SLC6A11: variants seen among roughly 807,000 people sequenced by gnomAD.
The protein encoded by SLC6A11 is solute carrier family 6 member 11.
Under a neutral mutation model 74.8 loss-of-function variants are expected in SLC6A11, and 25 were observed. The observed-to-expected ratio is 0.33, with a 90% CI of 0.24 to 0.47. The LOEUF is 0.47. SLC6A11 is among the 20% of genes least tolerant of loss of function. SLC6A11 has a pLI of 1.00. For missense variants in SLC6A11, 574 were observed against 837.0 expected, an observed-to-expected ratio of 0.69 and a Z score of 3.88; for synonymous variants, 330 against 330.2, an observed-to-expected ratio of 1.00 and a Z score of 0.01.
In SLC6A11 at chr3:10,872,645, G is replaced by A. The variant is rs529914198; in HGVS notation, c.757-2316G>A. ...ATTCAGTCTTATTTTTACCTTCCAG[G>A]ACCTAGCTCAGTTCTTAGTACATGA... On this transcript the variant is annotated intron_variant, in intron 5 of 13. Transcript: ENST00000254488. Among the ~76,000 whole-genome samples the A allele has an allele frequency of 3.3e-5, 5 of 152,272 alleles. No homozygotes were observed. The East Asian group carries it at 7.7e-4, about 24-fold the overall frequency.
At chr3:10,938,113 G>A (rs1695779482) in intron 13 of SLC6A11, 137 bp from the exon 14 acceptor site, 2 of 725,126 alleles carry the variant, frequency 2.8e-6, no homozygotes, top group Non-Finnish European at 4.3e-6. Context: ...GCTGTAAGGG[G>A]CCAAGCTGGG....
At position 10,935,146 on chromosome 3, in the gene SLC6A11, A is replaced by G. The variant is rs771372048; in HGVS notation, c.1693A>G (p.Ile565Val). Residue 565 changes from isoleucine to valine, a missense_variant, in exon 13 of 14, where the codon ATC becomes GTC. Transcript: ENST00000254488. ...WLMALSSMLC[I>V]PLWICITVWK... is the part of the protein sequence containing the mutation. Reference sequence around the variant, plus strand: ...CATGGCCCTGTCCTCCATGCTCTGCATCCCGCTCTGGATCTGCATCACAGT... The same window carrying G: ...CATGGCCCTGTCCTCCATGCTCTGCGTCCCGCTCTGGATCTGCATCACAGT... 2 of 1,614,100 alleles carry G rather than the reference A, an allele frequency of 1.2e-6. No individual in the cohort carries two copies. Among genetic ancestry groups the G allele is most frequent in the Non-Finnish European group, 1.7e-6 (2 of 1,180,048 alleles).
At position 10,826,083 on chromosome 3, in the gene SLC6A11, A is replaced by T. The variant is rs140856608; in HGVS notation, c.623+2691A>T. On this transcript the variant is annotated intron_variant, in intron 4 of 13. Coordinates refer to ENST00000254488, the MANE Select transcript of SLC6A11 (RefSeq NM_014229.3). The stretch of plus-strand genomic sequence containing the variant: ...GGGAATTTTGATTAAAAGTCTATTG[A>T]ACTCATAGGTTAGTTTGAGAGAATT... 7.5e-4 allele frequency among the ~76,000 whole-genome samples: 115 copies of T among 152,374 alleles called. 1 individual carries two copies. The highest frequency in any genetic ancestry group is 2.5e-3 in the African/African-American group (105 of 41,596).
In SLC6A11 at chr3:10,917,583, C is replaced by T. The variant is rs3821756; in HGVS notation, c.996-746C>T. ...ATGCTGGGCCTGAGGCAGGACAGGC[C>T]GGGACTCGAGGGTACCGTCTTCATC... On this transcript the variant is annotated intron_variant, in intron 7 of 13. Coordinates refer to ENST00000254488, the MANE Select transcript of SLC6A11 (RefSeq NM_014229.3). Among the ~76,000 whole-genome samples the T allele has an allele frequency of 8.1e-3, 1,227 of 152,222 alleles. 60 individuals carry two copies. In the East Asian group the frequency reaches 0.14, roughly 18 times the overall value.
At chr3:10,890,611 G>A (rs1021703797) in intron 6 of SLC6A11, among the ~76,000 whole-genome samples, 10 of 152,224 alleles carry the variant, frequency 6.6e-5, no homozygotes, top group African/African-American at 2.4e-4. Flanking sequence ...TAAATCCCAC[G>A]CTGTCATCAT....
chr3:10,843,608 G>A (rs942802551), intron 4 of SLC6A11, among the ~76,000 whole-genome samples: 4 of 152,218 alleles, frequency 2.6e-5, no homozygotes, highest in African/African-American at 7.2e-5. Context: ...GAGCTCAGCA[G>A]CTTCAAGCAA....
chr3:10,873,411 T>TATGGCATGCC (rs1559566645), intron 5 of SLC6A11, among the ~76,000 whole-genome samples: 10 of 149,984 alleles, frequency 6.7e-5, no homozygotes, highest in African/African-American at 2.2e-4. Context: ...TATCCTATCC[T>TATGGCATGCC]ATCCTATCCT....
intron 5 of SLC6A11, among the ~76,000 whole-genome samples, chr3:10,872,690 T>A (rs1416052788): frequency 6.6e-6 from 1 of 151,776 alleles, no homozygotes; most frequent in Admixed American, 6.6e-5. Flanking sequence ...AGTGAGTGAG[T>A]GAGTAGGTGA....
At chr3:10,889,847 G>C (rs1187404224) in intron 6 of SLC6A11, among the ~76,000 whole-genome samples, 3 of 152,170 alleles carry the variant, frequency 2.0e-5, no homozygotes, top group Non-Finnish European at 4.4e-5. Flanking sequence ...TAGGCAAGAA[G>C]GAATTCCTGG....
chr3:10,847,368 C>G (rs1202412950), intron 5 of SLC6A11, among the ~76,000 whole-genome samples: 2 of 152,164 alleles, frequency 1.3e-5, no homozygotes, highest in East Asian at 1.9e-4. Flanking sequence ...GGTTGCAGCT[C>G]TTTCTAAACA....
At chr3:10,909,937 C>G (rs1046295986) in intron 6 of SLC6A11, among the ~76,000 whole-genome samples, 13 of 152,208 alleles carry the variant, frequency 8.5e-5, no homozygotes, top group Non-Finnish European at 1.3e-4. Context: ...AAAACCTCCC[C>G]CAAATTGTAT....
At chr3:10,893,691 G>T (rs1240664266) in intron 6 of SLC6A11, among the ~76,000 whole-genome samples, 1 of 152,136 alleles carries the variant, frequency 6.6e-6, no homozygotes, top group East Asian at 1.9e-4. Context: ...CCCACTGTGG[G>T]ACGAGAGTAT....
chr3:10,929,041 G>A (rs776574674), intron 9 of SLC6A11, among the ~76,000 whole-genome samples, 161 bp from the exon 10 acceptor site: 17 of 152,004 alleles, frequency 1.1e-4, no homozygotes, highest in Non-Finnish European at 1.6e-4. Flanking sequence ...CTGGAGCTCC[G>A]CTAGTGCTGG....
At chr3:10,852,962 C>G (rs557225485) in intron 5 of SLC6A11, among the ~76,000 whole-genome samples, 9 of 152,252 alleles carry the variant, frequency 5.9e-5, no homozygotes, top group African/African-American at 2.2e-4. Flanking sequence ...TGAGCAGGAG[C>G]TGGGAGTCAG....
At chr3:10,881,717 G>A (rs1461238031) in intron 6 of SLC6A11, among the ~76,000 whole-genome samples, 2 of 152,202 alleles carry the variant, frequency 1.3e-5, no homozygotes, top group African/African-American at 4.8e-5. Context: ...GCACGTGCAG[G>A]TCAGCAGGTA....
At chr3:10,859,062 C>T (rs1214667197) in intron 5 of SLC6A11, among the ~76,000 whole-genome samples, 6 of 152,098 alleles carry the variant, frequency 3.9e-5, no homozygotes, top group Admixed American at 2.6e-4. Context: ...TGGAGAGGCA[C>T]CAAAAGGCTT....
intron 5 of SLC6A11, among the ~76,000 whole-genome samples, chr3:10,849,552 C>T (rs3774120): frequency 0.18 from 28,007 of 152,106 alleles, 3,254 homozygotes; most frequent in South Asian, 0.34. Flanking sequence ...CGCACATATT[C>T]AAGAAACATT....
intron 5 of SLC6A11, among the ~76,000 whole-genome samples, chr3:10,867,678 T>A (rs1363274142): frequency 2.0e-5 from 3 of 152,196 alleles, no homozygotes; most frequent in African/African-American, 7.2e-5. Context: ...CCACTCGTGG[T>A]CCACGGGATG....
chr3:10,829,586 G>C (rs958700383), intron 4 of SLC6A11, among the ~76,000 whole-genome samples: 1 of 151,896 alleles, frequency 6.6e-6, no homozygotes, highest in African/African-American at 2.4e-5. Flanking sequence ...GCAAGTTCTA[G>C]AGCCCAGTTT....
Sources: gnomAD v4.1 joint callset for allele counts (sites outside exome capture counted in the v4.1 genomes callset) on GRCh38, gnomAD v4.1.1 for gene constraint, MANE v1.5 for transcripts, NCBI Gene and HGNC (gene_info 2026-07-23, HGNC 2026-07-21) for gene names.